The following INTS15 variants were observed in gnomAD, a reference collection of about 807,000 sequenced individuals.
INTS15 encodes integrator complex subunit 15, also known as uncharacterized protein C7orf26.
chr7:6,591,520 T>G, the INTS15 span: 1 of 770,636 alleles, frequency 1.3e-6, no homozygotes, highest in Non-Finnish European at 2.2e-6. Flanking sequence ...CACCTTGGCC[T>G]CCCAAAGTGC....
At chr7:6,601,209 G>A in the INTS15 span, among the ~76,000 whole-genome samples, 2 of 152,130 alleles carry the variant, frequency 1.3e-5, no homozygotes, top group East Asian at 1.9e-4. Flanking sequence ...GGGCTCAAGT[G>A]ATCTTCCTGC....
the INTS15 span, chr7:6,608,003 C>T: frequency 6.2e-7 from 1 of 1,600,228 alleles, no homozygotes; most frequent in Non-Finnish European, 8.5e-7. Flanking sequence ...GCAGTCGCCT[C>T]ACGCCGCGCT....
chr7:6,598,885 C>T, the INTS15 span, among the ~76,000 whole-genome samples: 1 of 151,316 alleles, frequency 6.6e-6, no homozygotes, highest in African/African-American at 2.4e-5. Context: ...CTCCCAGTAT[C>T]AAGTGATCCT....
At chr7:6,602,021 A>C in the INTS15 span, 1 of 1,284,580 alleles carries the variant, frequency 7.8e-7, no homozygotes, top group African/African-American at 1.5e-5. Flanking sequence ...TCTTGCTAGC[A>C]TCCTTGCAAA....
the INTS15 span, among the ~76,000 whole-genome samples, chr7:6,602,450 A>G: frequency 6.6e-6 from 1 of 152,190 alleles, no homozygotes; most frequent in Non-Finnish European, 1.5e-5. Flanking sequence ...TGAACTGCAC[A>G]GCCCTTTGGG....
chr7:6,605,377 A>G, the INTS15 span, among the ~76,000 whole-genome samples: 1 of 152,184 alleles, frequency 6.6e-6, no homozygotes, highest in Non-Finnish European at 1.5e-5. Context: ...CCCCTCCTGC[A>G]GGAATCCCTT....
the INTS15 span, among the ~76,000 whole-genome samples, chr7:6,603,431 C>T: frequency 5.1e-3 from 769 of 151,902 alleles, 8 homozygotes; most frequent in African/African-American, 0.018. Context: ...CCTGTAATCA[C>T]AGCTACTTGG....
the INTS15 span, chr7:6,594,371 CA>C: frequency 6.5e-7 from 1 of 1,538,798 alleles, no homozygotes; most frequent in South Asian, 1.1e-5. Context: ...ACTGTGTGTG[CA>C]TAGTTGCTGG....
At chr7:6,595,408 C>G in the INTS15 span, among the ~76,000 whole-genome samples, 1 of 152,176 alleles carries the variant, frequency 6.6e-6, no homozygotes, top group Admixed American at 6.6e-5. Context: ...AAGCAGTCCT[C>G]CCACCTCGGC....
the INTS15 span, chr7:6,600,420 G>A: frequency 4.7e-6 from 7 of 1,483,240 alleles, no homozygotes; most frequent in Non-Finnish European, 6.3e-6. Context: ...GAAGGAAGGA[G>A]GGGCTCCTGG....
the INTS15 span, chr7:6,602,614 T>A: frequency 2.2e-6 from 1 of 460,952 alleles, no homozygotes; most frequent in Non-Finnish European, 4.6e-6. Flanking sequence ...TCTCTATGCC[T>A]CAGCTTACCC....
chr7:6,594,171 G>C, the INTS15 span, among the ~76,000 whole-genome samples: 2 of 151,082 alleles, frequency 1.3e-5, no homozygotes, highest in Non-Finnish European at 2.9e-5. Flanking sequence ...ACCATTCCCA[G>C]TTAATTTTGT....
At chr7:6,594,407 T>G in the INTS15 span, 56 of 1,613,004 alleles carry the variant, frequency 3.5e-5, 2 homozygotes, top group Admixed American at 9.0e-4. Flanking sequence ...ACATCTGTAG[T>G]TAAGTGGACT....
chr7:6,607,655 C>T, the INTS15 span: 23 of 1,495,714 alleles, frequency 1.5e-5, no homozygotes, highest in Non-Finnish European at 1.7e-5. This position sits in a 1 kb window ranked among gnomAD's most constrained non-coding sequence, Gnocchi z 6.0. Flanking sequence ...CTGTGTGTCC[C>T]AGCGCAGCAG....
chr7:6,590,989 C>T, the INTS15 span, among the ~76,000 whole-genome samples: 2 of 152,002 alleles, frequency 1.3e-5, no homozygotes, highest in African/African-American at 4.8e-5. Flanking sequence ...CAGGCGTGCA[C>T]CACCATGCCC....
At chr7:6,606,460 C>A in the INTS15 span, among the ~76,000 whole-genome samples, 1 of 152,070 alleles carries the variant, frequency 6.6e-6, no homozygotes, top group African/African-American at 2.4e-5. Context: ...AGGGACGGAG[C>A]CTTGGCTAAG....
At chr7:6,598,773 G>A in the INTS15 span, among the ~76,000 whole-genome samples, 1,687 of 102,636 alleles carry the variant, frequency 0.016, 24 homozygotes, top group South Asian at 0.03. Context: ...GTGTGTGTGT[G>A]TGTGTGTGTG....
At chr7:6,608,505 G>T in the INTS15 span, 146 of 1,182,902 alleles carry the variant, frequency 1.2e-4, no homozygotes, top group Non-Finnish European at 1.5e-4. Flanking sequence ...CGTGTGTCTG[G>T]CCTCTTTCCT....
At chr7:6,598,127 G>C in the INTS15 span, among the ~76,000 whole-genome samples, 1 of 152,138 alleles carries the variant, frequency 6.6e-6, no homozygotes, top group Non-Finnish European at 1.5e-5. Flanking sequence ...CTGGAGAGGT[G>C]GGTATGACCT....
Sources: allele counts gnomAD v4.1 joint callset (sites outside exome capture counted in the v4.1 genomes callset), GRCh38; gene constraint gnomAD v4.1.1; non-coding constraint Gnocchi (gnomAD v3.1); transcripts MANE v1.5; gene names NCBI Gene and HGNC (gene_info 2026-07-23, HGNC 2026-07-21).